SPEN: variants seen among roughly 807,000 people sequenced by gnomAD.
SPEN encodes spen family transcriptional repressor, also known as msx2-interacting protein.
A neutral mutation model predicts 269.9 loss-of-function variants in SPEN; 18 were observed. That is an observed-to-expected ratio of 0.07 (90% CI 0.05 to 0.10). The LOEUF (loss-of-function observed/expected upper bound fraction) is 0.10. SPEN is among the 10% of genes least tolerant of loss of function. The probability of loss-of-function intolerance (pLI) is 1.00; values close to 1 mark genes in which losing one functional copy is unlikely to be tolerated. For synonymous variants in SPEN, 1,726 were observed against 1,765.7 expected, an observed-to-expected ratio of 0.98 and a Z score of 0.56; for missense variants, 3,822 against 4,631.2, an observed-to-expected ratio of 0.83 and a Z score of 5.07.
chr1:15,934,790 A>G lies in SPEN; in HGVS notation c.8550A>G (p.Ser2850=), dbSNP rs2148742872. ...CAATGGACATTGAATTTCAGCAGTC[A>G]GTGTCCAAGTCCCAGGTCAAACCTG... ...ASAMDIEFQQ[S]VSKSQVKPDS... Residue 2850 remains serine (S), a synonymous_variant, in exon 11 of 15, where the codon TCA becomes TCG. Transcript: ENST00000375759. This position sits in a 1 kb window ranked among gnomAD's most constrained non-coding sequence, Gnocchi z 9.2. 1 of 1,614,186 alleles carries G rather than the reference A, an allele frequency of 6.2e-7. No individual in the cohort carries two copies. Among genetic ancestry groups the G allele is most frequent in the Non-Finnish European group, 8.5e-7 (1 of 1,180,026 alleles).
Position 15,922,288 on chromosome 1 carries a change from C to T in SPEN, c.1789C>T (p.His597Tyr). 5 of 1,605,352 alleles carry T rather than the reference C, an allele frequency of 3.1e-6. No homozygotes were observed. The highest frequency in any genetic ancestry group is 4.2e-6 in the Non-Finnish European group (5 of 1,178,006). ...ANRESQLAFY[H>Y]CMEKSGQDIR... ...TCGGGAAAGTCAGCTGGCTTTTTAT[C>T]ACTGCATGGAGAAATCTGGTCAAGA... The change falls in exon 10 of 15, where the codon CAC becomes TAC. Residue 597 changes from histidine (H) to tyrosine (Y), a missense_variant. His to Tyr is a moderately conservative substitution (Grantham distance 83, BLOSUM62 2). Transcript: ENST00000375759.
At chr1:15,862,634 A>C (rs2070459115) in intron 1 of SPEN, among the ~76,000 whole-genome samples, 1 of 152,260 alleles carries the variant, frequency 6.6e-6, no homozygotes, top group Non-Finnish European at 1.5e-5. Flanking sequence ...TCCCTTTGTT[A>C]AAAGTTAATT....
intron 6 of SPEN, among the ~76,000 whole-genome samples, chr1:15,918,521 A>G (rs1173644459): frequency 1.3e-5 from 2 of 152,246 alleles, no homozygotes; most frequent in Non-Finnish European, 2.9e-5. Flanking sequence ...GCGCAGCCAG[A>G]TATCATATTT....
intron 3 of SPEN, among the ~76,000 whole-genome samples, chr1:15,893,099 A>C (rs2070805444): frequency 6.6e-6 from 1 of 152,132 alleles, no homozygotes; most frequent in Non-Finnish European, 1.5e-5. Flanking sequence ...ACTCTGTCTC[A>C]AACAACAACA....
chr1:15,880,558 C>T (rs988880067), intron 3 of SPEN, among the ~76,000 whole-genome samples: 1 of 148,400 alleles, frequency 6.7e-6, no homozygotes, highest in Non-Finnish European at 1.5e-5. Flanking sequence ...CGGGTTCAAG[C>T]GATTCTCTTG....
At position 15,934,447 on chromosome 1, in the gene SPEN, C is replaced by T. The variant is rs754819053; in HGVS notation, c.8207C>T (p.Ala2736Val). The T allele has an allele frequency of 1.9e-6, 3 of 1,614,026 alleles. No individual in the cohort carries two copies. Among genetic ancestry groups the T allele is most frequent in the Non-Finnish European group, 2.5e-6 (3 of 1,180,036 alleles). The change falls in exon 11 of 15, where the codon GCA (alanine) becomes GTA (valine). Residue 2736 changes from alanine to valine, a missense_variant. Physicochemically the swap from Ala to Val is moderately conservative, Grantham distance 64. Coordinates refer to ENST00000375759, the MANE Select transcript of SPEN (RefSeq NM_015001.3). The surrounding 1 kb of genome is among the most constrained non-coding windows in gnomAD (Gnocchi z 9.2). ...NAAASAVNATASAVTVTAGAV... is the reference protein window; with the variant it reads ...NAAASAVNATVSAVTVTAGAV... ...GCTGCGAGTGCAGTGAATGCCACAG[C>T]AAGTGCAGTGACCGTCACAGCGGGT...
In SPEN at chr1:15,937,974, A is replaced by G. The variant is rs1357705894; in HGVS notation, c.10672A>G (p.Thr3558Ala). Reference protein sequence around the residue: ...RIAQRMRLEATQLEGVARRMT... With the variant: ...RIAQRMRLEAAQLEGVARRMT... ...CGCCCAGAGGATGCGGCTGGAGGCAACGCAGCTGGAAGGGGTTGCCCGAAG... is the reference window on the plus strand; with the variant it reads ...CGCCCAGAGGATGCGGCTGGAGGCAGCGCAGCTGGAAGGGGTTGCCCGAAG... The change falls in exon 13 of 15, where the codon ACG becomes GCG. Residue 3558 changes from threonine (T) to alanine (A), a missense_variant. By Grantham distance (58) the Thr-to-Ala change is moderately conservative. Around this residue, in one of 16 missense-constraint regions of SPEN, gnomAD observed 103 missense variants for 215.8 expected, o/e 0.48. Coordinates refer to ENST00000375759, the MANE Select transcript of SPEN (RefSeq NM_015001.3). The surrounding 1 kb of genome is among the most constrained non-coding windows in gnomAD (Gnocchi z 5.7). 4 of 1,612,250 alleles carry G rather than the reference A, an allele frequency of 2.5e-6. No homozygotes were observed. The highest frequency in any genetic ancestry group is 1.6e-4 in the Middle Eastern group (1 of 6,072).
At chr1:15,893,439 A>G (rs947071061) in intron 3 of SPEN, among the ~76,000 whole-genome samples, 2 of 152,210 alleles carry the variant, frequency 1.3e-5, no homozygotes, top group African/African-American at 4.8e-5. Context: ...GCAGAGAAGT[A>G]ATTATATTTA....
At chr1:15,899,012 T>C (rs901901412) in intron 3 of SPEN, among the ~76,000 whole-genome samples, 1 of 152,184 alleles carries the variant, frequency 6.6e-6, no homozygotes, top group Non-Finnish European at 1.5e-5. Flanking sequence ...AAATATCTAG[T>C]TGAGTTCCCG....
In SPEN at chr1:15,939,018, C is replaced by T; in HGVS notation, c.10863+142C>T. On this transcript the variant is annotated intron_variant, in intron 14 of 14. Transcript: ENST00000375759. The surrounding 1 kb of genome is among the most constrained non-coding windows in gnomAD (Gnocchi z 4.1). The stretch of plus-strand genomic sequence containing the variant: ...ATTTTGGACAGAAGTCAGTAGAGCA[C>T]ATGGGGCGGGGCGCCATCACCCATC... 1.7e-6 allele frequency: 2 copies of T among 1,151,446 alleles called. No homozygotes were observed. Among genetic ancestry groups the T allele is most frequent in the Non-Finnish European group, 2.4e-6 (2 of 820,384 alleles). 71.3% of individuals were successfully genotyped at this position (1,151,446 alleles called of 1,614,324 possible). A position where few individuals can be genotyped will look rare whatever the true frequency, so the allele number is the denominator to read the frequency against.
rs1250198642 is a variant in SPEN at position 15,928,209 on chromosome 1, T to A, written c.1969T>A (p.Phe657Ile). 1 of 1,613,146 alleles carries A rather than the reference T, an allele frequency of 6.2e-7. No homozygotes were observed. The highest frequency in any genetic ancestry group is 8.5e-7 in the Non-Finnish European group (1 of 1,179,866). The change falls in exon 11 of 15, where the codon TTT becomes ATT. Residue 657 changes from phenylalanine (F) to isoleucine (I), a missense_variant. Phe to Ile is a conservative substitution (Grantham distance 21). Around this residue, in one of 16 missense-constraint regions of SPEN, gnomAD observed 230 missense variants for 426.1 expected, o/e 0.54. Coordinates refer to ENST00000375759, the MANE Select transcript of SPEN (RefSeq NM_015001.3). This position sits in a 1 kb window ranked among gnomAD's most constrained non-coding sequence, Gnocchi z 5.7. ...GGACTATCCAGCTCGAGGGAGAGAG[T>A]TTTATTCAGAATGGGAAACTTACCA... ...RRDYPARGRE[F>I]YSEWETYQGD...
intron 3 of SPEN, among the ~76,000 whole-genome samples, chr1:15,886,573 A>G (rs1285166230): frequency 1.4e-4 from 21 of 152,176 alleles, no homozygotes; most frequent in Admixed American, 1.4e-3. Flanking sequence ...GGAGGATTTC[A>G]GATCTAGCCA....
chr1:15,848,128 A>T lies in SPEN; in HGVS notation c.61A>T (p.Lys21Ter). 1 of 1,497,470 alleles carries T rather than the reference A, an allele frequency of 6.7e-7. No individual in the cohort carries two copies. The highest frequency in any genetic ancestry group is 9.0e-7 in the Non-Finnish European group (1 of 1,115,430). The allele number at this position is 1,497,470 out of a possible 1,614,324, so 92.8% of individuals were successfully genotyped here. A position where few individuals can be genotyped will look rare whatever the true frequency, so the allele number is the denominator to read the frequency against. The change falls in exon 1 of 15, where the codon AAG (lysine) becomes TAG (stop). Residue 21 changes from lysine (K) to a stop codon, truncating the protein, a stop_gained. Coordinates refer to ENST00000375759, the MANE Select transcript of SPEN (RefSeq NM_015001.3). LOFTEE classifies it high-confidence loss of function. This position sits in a 1 kb window ranked among gnomAD's most constrained non-coding sequence, Gnocchi z 5.1. ...GNLPENVREEKIIEHFKRYGR... is the reference protein window; with the variant it reads ...GNLPENVREE ...CTTACCCGAGAACGTGCGGGAAGAG[A>T]AGATCATCGAGCATTTCAAACGGTG...
intron 3 of SPEN, among the ~76,000 whole-genome samples, chr1:15,880,008 A>G (rs1007999584): frequency 6.6e-6 from 1 of 152,182 alleles, no homozygotes. Context: ...AGTGTTTTAA[A>G]TTTAAATTAT....
At chr1:15,905,697 C>T (rs1236030790) in intron 3 of SPEN, among the ~76,000 whole-genome samples, 1 of 151,896 alleles carries the variant, frequency 6.6e-6, no homozygotes, top group African/African-American at 2.4e-5. Flanking sequence ...CTCAGCCTCC[C>T]GAGTAGCTGG....
intron 3 of SPEN, among the ~76,000 whole-genome samples, chr1:15,882,358 C>T (rs1441065293): frequency 6.6e-6 from 1 of 152,078 alleles, no homozygotes; most frequent in Non-Finnish European, 1.5e-5. Flanking sequence ...CCCCCCCAAT[C>T]AAGTTGTAAG....
chr1:15,860,291 G>C (rs996543662), intron 1 of SPEN, among the ~76,000 whole-genome samples: 1 of 151,792 alleles, frequency 6.6e-6, no homozygotes, highest in East Asian at 1.9e-4. Context: ...GGTTGGAGGG[G>C]AGTGGTATAA....
intron 1 of SPEN, among the ~76,000 whole-genome samples, chr1:15,866,899 A>C (rs576808382): frequency 6.6e-6 from 1 of 152,332 alleles, no homozygotes; most frequent in Admixed American, 6.5e-5. Flanking sequence ...TAACATAGAA[A>C]CTTGTGACTA....
intron 4 of SPEN, among the ~76,000 whole-genome samples, chr1:15,909,836 A>C (rs1246939230): frequency 6.6e-6 from 1 of 152,144 alleles, no homozygotes; most frequent in Non-Finnish European, 1.5e-5. Flanking sequence ...ATTATTTACT[A>C]AAATAGGGGC....
Sources: allele counts gnomAD v4.1 joint callset (sites outside exome capture counted in the v4.1 genomes callset), GRCh38; gene constraint gnomAD v4.1.1; regional missense constraint gnomAD v4.1.1; non-coding constraint Gnocchi (gnomAD v3.1); transcripts MANE v1.5; gene names NCBI Gene and HGNC (gene_info 2026-07-23, HGNC 2026-07-21).